RPTOR: variants seen among roughly 807,000 people sequenced by gnomAD.
RPTOR encodes the protein regulatory associated protein of MTOR complex 1.
Under a neutral mutation model 169.9 loss-of-function variants are expected in RPTOR, and 21 were observed. The observed-to-expected ratio is 0.12, with a 90% CI of 0.09 to 0.18. The LOEUF (loss-of-function observed/expected upper bound fraction) is 0.18, where lower values mean the gene tolerates loss of function less well. Ranked by LOEUF, RPTOR falls within the 10% of genes least tolerant of loss-of-function variation. The pLI is 1.00. For synonymous variants in RPTOR, 732 were observed against 753.2 expected, an observed-to-expected ratio of 0.97 and a Z score of 0.46; for missense variants, 1,133 against 1,855.9, an observed-to-expected ratio of 0.61 and a Z score of 7.16.
At chr17:80,703,757 G>T (rs1018207013) in intron 3 of RPTOR, among the ~76,000 whole-genome samples, 2 of 152,160 alleles carry the variant, frequency 1.3e-5, no homozygotes, top group South Asian at 4.1e-4. Context: ...CTGGAGCTGG[G>T]CTAACGCTTT....
chr17:80,567,091 C>G (rs1438636766), intron 1 of RPTOR, among the ~76,000 whole-genome samples: 1 of 151,842 alleles, frequency 6.6e-6, no homozygotes, highest in African/African-American at 2.4e-5. Flanking sequence ...ATGCCTCAGC[C>G]TCTCGAGTAG....
intron 11 of RPTOR, among the ~76,000 whole-genome samples, chr17:80,855,116 A>G (rs755711862): frequency 6.6e-6 from 1 of 152,254 alleles, no homozygotes; most frequent in African/African-American, 2.4e-5. Flanking sequence ...CATATTATCT[A>G]GTTCAAGATC....
At chr17:80,893,112 C>G (rs2068347070) in intron 19 of RPTOR, among the ~76,000 whole-genome samples, 1 of 152,276 alleles carries the variant, frequency 6.6e-6, no homozygotes, top group Admixed American at 6.5e-5. Flanking sequence ...CAAGCGCAGC[C>G]GCAGTTGAGG....
At chr17:80,799,941 C>A (rs2067140054) in intron 7 of RPTOR, among the ~76,000 whole-genome samples, 1 of 152,230 alleles carries the variant, frequency 6.6e-6, no homozygotes, top group Non-Finnish European at 1.5e-5. Context: ...TCCTTGCCCG[C>A]TGCCATCTGA....
chr17:80,620,501 A>G (rs1040263488), intron 1 of RPTOR, among the ~76,000 whole-genome samples: 1 of 152,250 alleles, frequency 6.6e-6, no homozygotes, highest in African/African-American at 2.4e-5. Context: ...GTGGTGGCTC[A>G]CACCTATAAT....
At chr17:80,635,836 G>A (rs1408842128) in intron 2 of RPTOR, among the ~76,000 whole-genome samples, 1 of 152,076 alleles carries the variant, frequency 6.6e-6, no homozygotes, top group Non-Finnish European at 1.5e-5. Context: ...AGCTTGTGGG[G>A]CAGCTTGGCC....
Position 80,891,747 on chromosome 17 carries a change from G to A in RPTOR, c.2011G>A (p.Val671Met). The part of the protein sequence containing the change: ...KELVVALSHL[V>M]VQYESNFCTV... ...GCTGGTGGTGGCTCTGAGTCATCTTGTGGTTCAGTATGAAAGCAATTTCTG... is the reference window on the plus strand; with the variant it reads ...GCTGGTGGTGGCTCTGAGTCATCTTATGGTTCAGTATGAAAGCAATTTCTG... The change falls in exon 18 of 34, where the codon GTG (valine) becomes ATG (methionine). Residue 671 changes from valine to methionine, a missense_variant. Coordinates refer to ENST00000306801, the MANE Select transcript of RPTOR (RefSeq NM_020761.3). 2 of 1,613,972 alleles carry A rather than the reference G, an allele frequency of 1.2e-6. No homozygotes were observed. The highest frequency in any genetic ancestry group is 1.7e-6 in the Non-Finnish European group (2 of 1,179,864).
chr17:80,865,814 G>A (rs935298685), intron 13 of RPTOR, among the ~76,000 whole-genome samples: 4 of 151,960 alleles, frequency 2.6e-5, no homozygotes, highest in African/African-American at 7.3e-5. Flanking sequence ...GGGCCCTGAC[G>A]TTTATAGAAC....
intron 14 of RPTOR, 113 bp from the exon 15 acceptor site, chr17:80,883,306 T>A (rs958027161): frequency 2.1e-6 from 2 of 940,994 alleles, no homozygotes; most frequent in East Asian, 4.8e-5. Context: ...CTCTCGTTAC[T>A]TTAATTATGC....
rs1460490255 is a variant in RPTOR at position 80,778,913 on chromosome 17, G to A, written c.831-12537G>A. On this transcript the variant is annotated intron_variant, in intron 6 of 33. Transcript: ENST00000306801. ...TGCGGTGTCTGGCCGCGGCGCCTGC[G>A]AATGGGTTTTGCTCTTGGTTGTCTT... Among the ~76,000 whole-genome samples the A allele has an allele frequency of 3.3e-5, 5 of 152,340 alleles. No homozygotes were observed. The East Asian group carries it at 7.7e-4, about 24-fold the overall frequency.
chr17:80,638,831 G>T (rs1035253068), intron 2 of RPTOR, among the ~76,000 whole-genome samples: 1 of 152,178 alleles, frequency 6.6e-6, no homozygotes, highest in Non-Finnish European at 1.5e-5. Context: ...GTATAATACA[G>T]CAATAGGCAA....
intron 12 of RPTOR, among the ~76,000 whole-genome samples, chr17:80,855,823 G>A (rs771446879): frequency 2.8e-4 from 43 of 152,018 alleles, no homozygotes; most frequent in Non-Finnish European, 3.1e-4. Context: ...GTGTGTTGTC[G>A]GCCGGTCACC....
At position 80,583,195 on chromosome 17, in the gene RPTOR, T is replaced by G. The variant is rs4076136; in HGVS notation, c.162+37404T>G. Among the ~76,000 whole-genome samples, 1,556 of 135,864 alleles carry G rather than the reference T, an allele frequency of 0.011. 113 individuals carry two copies. In the East Asian group the frequency reaches 0.18, roughly 16 times the overall value. The allele number at this position is 135,864 out of a possible 152,430, so 89.1% of individuals were successfully genotyped here. ...TGCCTCTTTCCTGTTTTTTTTTTTT[T>G]TTTTTTTTTTTGAGACAGAGTCTTG... On this transcript the variant is annotated intron_variant, in intron 1 of 33. Coordinates refer to ENST00000306801, the MANE Select transcript of RPTOR (RefSeq NM_020761.3).
intron 21 of RPTOR, among the ~76,000 whole-genome samples, chr17:80,914,344 G>A (rs1269804423): frequency 1.3e-5 from 2 of 152,118 alleles, no homozygotes; most frequent in Admixed American, 6.5e-5. Context: ...CTTGGGGGCC[G>A]GGAGCAGGCA....
intron 16 of RPTOR, among the ~76,000 whole-genome samples, chr17:80,884,205 G>T (rs1017898922): frequency 6.6e-6 from 1 of 152,218 alleles, no homozygotes; most frequent in Non-Finnish European, 1.5e-5. Flanking sequence ...GCAAGCGGGG[G>T]TCCCAGAGGG....
intron 1 of RPTOR, among the ~76,000 whole-genome samples, chr17:80,618,377 CT>C (rs149941973): frequency 0.067 from 10,163 of 152,186 alleles, 1,124 homozygotes; most frequent in African/African-American, 0.23. Flanking sequence ...TTTTATGAAA[CT>C]TATTTTGTAT....
intron 6 of RPTOR, among the ~76,000 whole-genome samples, chr17:80,770,619 G>A (rs1357000095): frequency 6.6e-6 from 1 of 152,182 alleles, no homozygotes; most frequent in African/African-American, 2.4e-5. Context: ...ATCATCAGTT[G>A]TGAACACATC....
intron 9 of RPTOR, among the ~76,000 whole-genome samples, chr17:80,836,913 G>A (rs2067570271): frequency 1.3e-5 from 2 of 151,884 alleles, no homozygotes; most frequent in South Asian, 4.2e-4. Context: ...GGGGTGTGGA[G>A]CTCTGGGGAG....
At chr17:80,826,273 G>A (rs1187999661) in intron 9 of RPTOR, among the ~76,000 whole-genome samples, 1 of 152,184 alleles carries the variant, frequency 6.6e-6, no homozygotes, top group African/African-American at 2.4e-5. Flanking sequence ...ATTTTGATGG[G>A]GCCCTTGGGA....
Sources: allele counts gnomAD v4.1 joint callset (sites outside exome capture counted in the v4.1 genomes callset), GRCh38; gene constraint gnomAD v4.1.1; transcripts MANE v1.5; gene names NCBI Gene and HGNC (gene_info 2026-07-23, HGNC 2026-07-21).